RABGAP1L: variants seen among roughly 807,000 people sequenced by gnomAD.
The protein encoded by RABGAP1L is rab GTPase-activating protein 1-like.
A neutral mutation model predicts 137.7 loss-of-function variants in RABGAP1L; 63 were observed. That is an observed-to-expected ratio of 0.46 (90% CI 0.37 to 0.56). The LOEUF (loss-of-function observed/expected upper bound fraction) is 0.56, where lower values mean the gene tolerates loss of function less well. RABGAP1L is among the 20% of genes least tolerant of loss of function. RABGAP1L has a pLI of 0.00. For synonymous variants in RABGAP1L, 431 were observed against 433.7 expected (o/e 0.99, Z 0.08); for missense variants, 1,095 against 1,244.0 (o/e 0.88, Z 1.80).
At chr1:174,977,396 C>T (rs1378982157) in intron 22 of RABGAP1L, among the ~76,000 whole-genome samples, 3 of 152,138 alleles carry the variant, frequency 2.0e-5, no homozygotes, top group African/African-American at 7.2e-5. Context: ...GCCACTTAAG[C>T]TACTCTAGAT....
chr1:174,892,896 A>ATTTTTTTTTTTTTTTTTTTTTTTT (rs748971722), intron 19 of RABGAP1L, among the ~76,000 whole-genome samples: 1 of 91,868 alleles, frequency 1.1e-5, no homozygotes, highest in Non-Finnish European at 2.0e-5. Context: ...CACCCAGCTA[A>ATTTTTTTTTTTTTTTTTTTTTTTT]TTTTTTTTTT....
chr1:174,289,049 TA>T (rs1442839540), intron 10 of RABGAP1L, among the ~76,000 whole-genome samples: 1 of 152,122 alleles, frequency 6.6e-6, no homozygotes, highest in East Asian at 1.9e-4. Flanking sequence ...TGATTTTTTG[TA>T]AAGAGGGTGC....
intron 1 of RABGAP1L, among the ~76,000 whole-genome samples, chr1:174,183,124 A>T (rs974482008): frequency 2.6e-5 from 4 of 152,164 alleles, no homozygotes; most frequent in African/African-American, 9.7e-5. Context: ...TTTCATCTTT[A>T]TATACCTTGA....
intron 19 of RABGAP1L, among the ~76,000 whole-genome samples, chr1:174,857,109 C>T (rs902254729): frequency 6.6e-6 from 1 of 152,310 alleles, no homozygotes; most frequent in East Asian, 1.9e-4. Context: ...ACCACTGCCC[C>T]AGGGAAGTTC....
chr1:174,598,059 G>T (rs1375312791), intron 13 of RABGAP1L, among the ~76,000 whole-genome samples: 1 of 152,074 alleles, frequency 6.6e-6, no homozygotes, highest in African/African-American at 2.4e-5. Flanking sequence ...GGCCAGGTGT[G>T]GTGGCTCACG....
chr1:174,310,242 CAT>C (rs1205799914), intron 11 of RABGAP1L, among the ~76,000 whole-genome samples: 4 of 152,034 alleles, frequency 2.6e-5, no homozygotes, highest in African/African-American at 9.6e-5. Context: ...GTTTAATTTC[CAT>C]GTATTTGTGA....
chr1:174,186,391 G>A (rs965110124), intron 1 of RABGAP1L, among the ~76,000 whole-genome samples: 1 of 152,176 alleles, frequency 6.6e-6, no homozygotes, highest in Non-Finnish European at 1.5e-5. Flanking sequence ...AATTCTGGGT[G>A]ATTTGGCAAT....
chr1:174,579,173 G>A (rs573221466), intron 13 of RABGAP1L, among the ~76,000 whole-genome samples: 52 of 152,130 alleles, frequency 3.4e-4, no homozygotes, highest in African/African-American at 1.1e-3. Flanking sequence ...GGAGATATGT[G>A]TTTCAAGCAG....
intron 13 of RABGAP1L, among the ~76,000 whole-genome samples, chr1:174,457,216 T>G (rs1361716015): frequency 6.6e-6 from 1 of 152,184 alleles, no homozygotes; most frequent in Non-Finnish European, 1.5e-5. Context: ...CACAGGATAT[T>G]TGAGAAGTTT....
At chr1:174,335,206 C>T (rs369343793) in intron 11 of RABGAP1L, among the ~76,000 whole-genome samples, 2 of 152,138 alleles carry the variant, frequency 1.3e-5, no homozygotes, top group Non-Finnish European at 2.9e-5. Flanking sequence ...ATTTTGTCAA[C>T]GCAAACATCA....
At chr1:174,295,500 C>T (rs1241843766) in intron 10 of RABGAP1L, among the ~76,000 whole-genome samples, 3 of 151,994 alleles carry the variant, frequency 2.0e-5, no homozygotes, top group Admixed American at 6.6e-5. Flanking sequence ...TCTCTTGCCT[C>T]AGCCTCCCAG....
chr1:174,942,119 G>C (rs1474769419), intron 19 of RABGAP1L, among the ~76,000 whole-genome samples: 1 of 152,200 alleles, frequency 6.6e-6, no homozygotes, highest in Non-Finnish European at 1.5e-5. Flanking sequence ...TTCTAAGGGA[G>C]TCAGGAGTAA....
At chr1:174,395,470 T>C (rs1647715305) in intron 13 of RABGAP1L, among the ~76,000 whole-genome samples, 1 of 152,180 alleles carries the variant, frequency 6.6e-6, no homozygotes, top group Non-Finnish European at 1.5e-5. Flanking sequence ...AACAAACTCA[T>C]GTAACAAAGA....
chr1:174,778,191 GAAAC>G (rs930885445), intron 18 of RABGAP1L, among the ~76,000 whole-genome samples: 3 of 152,154 alleles, frequency 2.0e-5, no homozygotes, highest in African/African-American at 7.2e-5. Flanking sequence ...TATGTGTAAA[GAAAC>G]AAAGAAAAGT....
At chr1:174,657,099 C>T (rs1409768692) in intron 14 of RABGAP1L, among the ~76,000 whole-genome samples, 1 of 152,144 alleles carries the variant, frequency 6.6e-6, no homozygotes, top group Admixed American at 6.5e-5. Context: ...CATTCCCCAG[C>T]ATTTCCTTTT....
At chr1:174,190,542 A>C (rs918972104) in intron 1 of RABGAP1L, among the ~76,000 whole-genome samples, 2 of 152,198 alleles carry the variant, frequency 1.3e-5, no homozygotes, top group African/African-American at 4.8e-5. Context: ...CTTGCTTAGA[A>C]TTGAAGAGTT....
At chr1:174,904,723 C>T (rs1658745599) in intron 19 of RABGAP1L, among the ~76,000 whole-genome samples, 1 of 152,012 alleles carries the variant, frequency 6.6e-6, no homozygotes, top group Non-Finnish European at 1.5e-5. Context: ...GAACACAGCT[C>T]ACTGCAGCCT....
intron 11 of RABGAP1L, among the ~76,000 whole-genome samples, chr1:174,366,122 C>CACTT (rs1206875014): frequency 3.3e-5 from 5 of 152,072 alleles, no homozygotes; most frequent in African/African-American, 1.2e-4. Context: ...AGAAGTCTAG[C>CACTT]ACTTTATGGC....
chr1:174,475,095 GGT>G (rs1163958751), intron 13 of RABGAP1L, among the ~76,000 whole-genome samples: 1 of 151,976 alleles, frequency 6.6e-6, no homozygotes, highest in Admixed American at 6.5e-5. Context: ...TATACAAGCA[GGT>G]GTGATGAACC....
Sources: gnomAD v4.1 joint callset for allele counts (sites outside exome capture counted in the v4.1 genomes callset) on GRCh38, gnomAD v4.1.1 for gene constraint, MANE v1.5 for transcripts, NCBI Gene and HGNC (gene_info 2026-07-23, HGNC 2026-07-21) for gene names.